The following TCF4 variants were observed in gnomAD, a reference collection of about 807,000 sequenced individuals.
TCF4 encodes the protein SL3-3 enhancer factor 2.
A neutral mutation model predicts 82.1 loss-of-function variants in TCF4; 3 were observed. The observed-to-expected ratio is 0.04, with a 90% confidence interval of 0.02 to 0.09. The LOEUF (loss-of-function observed/expected upper bound fraction) is 0.09, where lower values mean the gene tolerates loss of function less well. Among genes scored for constraint, TCF4 ranks in the 10% least tolerant of loss-of-function variants. The pLI is 1.00. For synonymous variants in TCF4, 276 were observed against 309.6 expected (o/e 0.89, Z 1.14); for missense variants, 518 against 852.7 (o/e 0.61, Z 4.89).
chr18:55,451,700 G>A (rs929088279), intron 5 of TCF4, among the ~76,000 whole-genome samples: 1 of 152,168 alleles, frequency 6.6e-6, no homozygotes. Flanking sequence ...ATGGAGTAAT[G>A]AGAGGTTTGA....
At chr18:55,312,710 A>C (rs2072924247) in intron 8 of TCF4, among the ~76,000 whole-genome samples, 1 of 152,198 alleles carries the variant, frequency 6.6e-6, no homozygotes, top group South Asian at 2.1e-4. Context: ...AACGCTTTTA[A>C]CAATCATGCA....
chr18:55,543,966 C>G (rs1328916177), intron 3 of TCF4, among the ~76,000 whole-genome samples: 3 of 151,836 alleles, frequency 2.0e-5, no homozygotes, highest in Admixed American at 1.3e-4. Flanking sequence ...GGCATATAAC[C>G]ACATTTTTTA....
At position 55,602,832 on chromosome 18, in the gene TCF4, G is replaced by A. The variant is rs1173720573; in HGVS notation, c.287-15696C>T. ...CAGAGTTTGATAAAGTTGCAAAGAGGTGGAAATTATGCTGAAAGATTTTCC... is the reference window on the plus strand; with the variant it reads ...CAGAGTTTGATAAAGTTGCAAAGAGATGGAAATTATGCTGAAAGATTTTCC... On this transcript the variant is annotated intron_variant, in intron 2 of 20. Coordinates refer to the TCF4 transcript ENST00000398339. Among the ~76,000 whole-genome samples, 3 of 152,124 alleles carry A rather than the reference G, an allele frequency of 2.0e-5. No individual in the cohort carries two copies. In the East Asian group the frequency reaches 5.8e-4, roughly 29 times the overall value.
At chr18:55,341,715 A>C (rs1426246361) in intron 8 of TCF4, among the ~76,000 whole-genome samples, 1 of 152,210 alleles carries the variant, frequency 6.6e-6, no homozygotes, top group East Asian at 1.9e-4. Flanking sequence ...TATAGGACAA[A>C]AAAAAATGTA....
At chr18:55,390,361 C>CTAT in intron 6 of TCF4, among the ~76,000 whole-genome samples, 1 of 142,728 alleles carries the variant, frequency 7.0e-6, no homozygotes, top group East Asian at 2.1e-4. Flanking sequence ...GGTTACTATA[C>CTAT]TATTAGCTGA....
chr18:55,554,398 G>T lies in TCF4; in HGVS notation c.145+30882C>A, dbSNP rs569839660. ...TAAAACACTAGTTTTATTAATAAGG[G>T]TACACACTGAATTCTAACTTCCCTA... is the stretch of plus-strand genomic sequence containing the variant. On this transcript the variant is annotated intron_variant, in intron 3 of 19. Coordinates refer to ENST00000354452, the MANE Select transcript of TCF4 (RefSeq NM_001083962.2). 5.9e-5 allele frequency among the ~76,000 whole-genome samples: 9 copies of T among 152,004 alleles called. No homozygotes were observed. In the East Asian group the frequency reaches 1.7e-3, roughly 29 times the overall value.
intron 3 of TCF4, among the ~76,000 whole-genome samples, chr18:55,529,561 A>G (rs1021302346): frequency 2.4e-4 from 37 of 152,276 alleles, no homozygotes; most frequent in African/African-American, 8.9e-4. Context: ...TTTTTTAAAT[A>G]AAAAGGAATG....
At chr18:55,238,424 C>T (rs2050195001) in intron 15 of TCF4, among the ~76,000 whole-genome samples, 1 of 152,146 alleles carries the variant, frequency 6.6e-6, no homozygotes, top group African/African-American at 2.4e-5. Context: ...TCTAATCTAG[C>T]TCATGCCTGT....
intron 15 of TCF4, among the ~76,000 whole-genome samples, chr18:55,244,765 A>T (rs1220481270): frequency 6.6e-6 from 1 of 152,158 alleles, no homozygotes; most frequent in South Asian, 2.1e-4. Context: ...ACAGGGGGAA[A>T]ATTTTGGGCA....
Position 55,395,317 on chromosome 18 carries a change from C to T in TCF4, c.369+8137G>A, listed in dbSNP as rs542935829. On this transcript the variant is annotated intron_variant, in intron 6 of 19. Transcript: ENST00000354452. ...TGATTTTTCCCCTTTGTCTTTACAC[C>T]TATCAGAAACATAAAGATGAAGAAC... Among the ~76,000 whole-genome samples, 3 of 152,236 alleles carry T rather than the reference C, an allele frequency of 2.0e-5. No homozygotes were observed. The East Asian group carries it at 5.8e-4, about 29-fold the overall frequency.
chr18:55,525,210 A>G (rs1014446331), intron 3 of TCF4, among the ~76,000 whole-genome samples: 1 of 152,024 alleles, frequency 6.6e-6, no homozygotes, highest in Admixed American at 6.6e-5. Flanking sequence ...AATCAATTCT[A>G]AATCAAGTGA....
intron 10 of TCF4, among the ~76,000 whole-genome samples, chr18:55,275,021 A>G (rs925912420): frequency 6.6e-6 from 1 of 152,152 alleles, no homozygotes; most frequent in African/African-American, 2.4e-5. Context: ...CGCAAAACAC[A>G]GTATGAGTGG....
intron 5 of TCF4, among the ~76,000 whole-genome samples, chr18:55,416,572 A>AT (rs1292467318): frequency 6.6e-6 from 1 of 152,040 alleles, no homozygotes; most frequent in African/African-American, 2.4e-5. Flanking sequence ...TAATATATAT[A>AT]TTTTTTAGCA....
At chr18:55,501,606 C>T (rs2096703093) in intron 3 of TCF4, among the ~76,000 whole-genome samples, 2 of 150,956 alleles carry the variant, frequency 1.3e-5, no homozygotes, top group South Asian at 4.2e-4. Flanking sequence ...TTAAAAGAGA[C>T]AGATATGACC....
At chr18:55,482,242 G>A (rs2096447923) in intron 3 of TCF4, 1 of 152,120 alleles carries the variant, frequency 6.6e-6, no homozygotes, top group Non-Finnish European at 1.5e-5. Flanking sequence ...GACTTTCAAT[G>A]GCAGCAAGTT....
At chr18:55,508,265 T>G (rs1327142933) in intron 3 of TCF4, among the ~76,000 whole-genome samples, 1 of 152,228 alleles carries the variant, frequency 6.6e-6, no homozygotes, top group Non-Finnish European at 1.5e-5. Context: ...TTTAAATTGA[T>G]CTATAACCTA....
intron 3 of TCF4, among the ~76,000 whole-genome samples, chr18:55,487,681 A>G (rs1364737125): frequency 6.6e-6 from 1 of 152,194 alleles, no homozygotes; most frequent in Non-Finnish European, 1.5e-5. Context: ...TTATTTCTCT[A>G]AAACACTGAG....
intron 3 of TCF4, among the ~76,000 whole-genome samples, chr18:55,536,285 A>G (rs939422984): frequency 6.6e-6 from 1 of 152,222 alleles, no homozygotes; most frequent in Non-Finnish European, 1.5e-5. Flanking sequence ...ATTACTCTTG[A>G]AAGTTCTAGA....
At chr18:55,286,096 C>T (rs1405211343) in intron 8 of TCF4, among the ~76,000 whole-genome samples, 1 of 152,196 alleles carries the variant, frequency 6.6e-6, no homozygotes, top group Admixed American at 6.5e-5. Context: ...TCTTAATCCG[C>T]AATTTAGTCC....
Sources: gnomAD v4.1 joint callset for allele counts (sites outside exome capture counted in the v4.1 genomes callset) on GRCh38, gnomAD v4.1.1 for gene constraint, MANE v1.5 for transcripts, NCBI Gene and HGNC (gene_info 2026-07-23, HGNC 2026-07-21) for gene names.